The following NHEJ1 variants were observed in gnomAD, a reference collection of about 807,000 sequenced individuals.
NHEJ1 encodes the protein non-homologous end joining factor 1.
In NHEJ1, 22 loss-of-function variants were observed where a neutral mutation model predicts 39.4. That is an observed-to-expected ratio of 0.56 (90% CI 0.40 to 0.80). The LOEUF (loss-of-function observed/expected upper bound fraction) is 0.80. NHEJ1 is among the 30% of genes least tolerant of loss of function. The pLI is 0.00. For synonymous variants in NHEJ1, 154 were observed against 135.6 expected (o/e 1.14, Z -0.94); for missense variants, 329 against 357.1 (o/e 0.92, Z 0.63).
chr2:219,092,929 C>T (rs1949174320), intron 5 of NHEJ1, among the ~76,000 whole-genome samples: 1 of 152,174 alleles, frequency 6.6e-6, no homozygotes, highest in Admixed American at 6.5e-5. Context: ...ACCAAGAGAC[C>T]TCCCTGTGCC....
rs1948994785 is a variant in NHEJ1, at chr2:219,074,574, T to C, written c.*1807A>G. Reference sequence around the variant, plus strand: ...GCCTAGCCAACATGGTGAAACCCTGTCTCTACAAAAAATACAAAAATTAGC... The same window carrying C: ...GCCTAGCCAACATGGTGAAACCCTGCCTCTACAAAAAATACAAAAATTAGC... On this transcript the variant is annotated 3_prime_UTR_variant, in exon 8 of 8. Coordinates refer to ENST00000356853, the MANE Select transcript of NHEJ1 (RefSeq NM_024782.3). Among the ~76,000 whole-genome samples, 1 of 151,838 alleles carries C rather than the reference T, an allele frequency of 6.6e-6. No individual in the cohort carries two copies. The highest frequency in any genetic ancestry group is 2.4e-5 in the African/African-American group (1 of 41,286).
At chr2:219,153,502 G>C (rs1949817539) in intron 3 of NHEJ1, among the ~76,000 whole-genome samples, 4 of 152,204 alleles carry the variant, frequency 2.6e-5, no homozygotes, top group African/African-American at 9.7e-5. Context: ...GAAAGAGTAA[G>C]AGATGAAGTC....
chr2:219,147,772 A>G lies in NHEJ1; in HGVS notation c.414T>C (p.Pro138=), dbSNP rs773876034. ...GTAATGCCAGACTCATGCCCATCAGAGGACGAATCAAATGTTGGGAGACCT... is the reference window on the plus strand; with the variant it reads ...GTAATGCCAGACTCATGCCCATCAGGGGACGAATCAAATGTTGGGAGACCT... ...PSLVSQHLIR[P]LMGMSLALQC... The change falls in exon 4 of 8, where the codon CCT becomes CCC. Residue 138 remains proline (P), a synonymous_variant. Coordinates refer to ENST00000356853, the MANE Select transcript of NHEJ1 (RefSeq NM_024782.3). 1.9e-6 allele frequency: 3 copies of G among 1,614,192 alleles called. No individual in the cohort carries two copies. The South Asian group carries it at 3.3e-5, about 18-fold the overall frequency.
In NHEJ1 at chr2:219,157,694, G is replaced by C. The variant is rs1275074630; in HGVS notation, c.178-10C>G. On this transcript the variant is annotated splice_polypyrimidine_tract_variant and intron_variant, in intron 2 of 7. Transcript: ENST00000356853. ...GCCGCTTGTTCAGCTCCTAAAGAGA[G>C]AGCAGTGGTACAGAGTAAGGGTGCT... 6 of 1,610,042 alleles carry C rather than the reference G, an allele frequency of 3.7e-6. No individual in the cohort carries two copies. The highest frequency in any genetic ancestry group is 1.1e-5 in the South Asian group (1 of 90,482).
intron 5 of NHEJ1, among the ~76,000 whole-genome samples, chr2:219,118,344 C>A (rs1445386116): frequency 6.6e-6 from 1 of 152,140 alleles, no homozygotes; most frequent in Non-Finnish European, 1.5e-5. Flanking sequence ...AGGGTTCATA[C>A]CTTCCTGAAC....
chr2:219,130,422 G>A (rs1406645691), intron 5 of NHEJ1, among the ~76,000 whole-genome samples: 1 of 152,142 alleles, frequency 6.6e-6, no homozygotes, highest in East Asian at 1.9e-4. Flanking sequence ...AGAGGTATTA[G>A]GGCTCTCAAG....
Position 219,160,771 on chromosome 2 carries a change from G to C in NHEJ1, c.-52C>G, listed in dbSNP as rs989892987. 3.9e-5 allele frequency: 6 copies of C among 152,386 alleles called. No individual in the cohort carries two copies. Among genetic ancestry groups the C allele is most frequent in the African/African-American group, 1.4e-4 (6 of 41,468 alleles). 9.4% of individuals were successfully genotyped at this position (152,386 alleles called of 1,614,324 possible). The stretch of plus-strand genomic sequence containing the variant: ...CTCTTAGCCGCACGCACGCTTTCCT[G>C]CCCGCTCGCGCAAACCGAAAGGCCT... On this transcript the variant is annotated 5_prime_UTR_variant, in exon 1 of 8. Transcript: ENST00000356853.
intron 5 of NHEJ1, among the ~76,000 whole-genome samples, chr2:219,099,673 G>A (rs956454710): frequency 2.6e-5 from 4 of 152,092 alleles, no homozygotes; most frequent in East Asian, 1.9e-4. Context: ...TAAGGAAGAC[G>A]TGCATCCCAG....
intron 5 of NHEJ1, among the ~76,000 whole-genome samples, chr2:219,121,826 A>G (rs1949474393): frequency 6.6e-6 from 1 of 152,184 alleles, no homozygotes; most frequent in Non-Finnish European, 1.5e-5. Context: ...TCTTAAAAAA[A>G]AAAAAAATTA....
At chr2:219,104,504 G>C (rs1349750577) in intron 5 of NHEJ1, among the ~76,000 whole-genome samples, 2 of 152,102 alleles carry the variant, frequency 1.3e-5, no homozygotes, top group Non-Finnish European at 2.9e-5. Context: ...AGAATCAGAG[G>C]TTCCCTAGGA....
intron 5 of NHEJ1, among the ~76,000 whole-genome samples, chr2:219,105,262 T>G (rs1035146722): frequency 1.3e-5 from 2 of 152,216 alleles, no homozygotes; most frequent in Admixed American, 6.5e-5. Flanking sequence ...TTGTGCAGAA[T>G]CTGGTCTGTT....
chr2:219,076,573 T>A, intron 7 of NHEJ1, 118 bp from the exon 8 acceptor site: 1 of 937,088 alleles, frequency 1.1e-6, no homozygotes, highest in Non-Finnish European at 1.6e-6. Context: ...TTTTTTTTTT[T>A]TTTTTTTCCA....
At chr2:219,149,174 G>A (rs907628312) in intron 3 of NHEJ1, among the ~76,000 whole-genome samples, 6 of 151,804 alleles carry the variant, frequency 4.0e-5, no homozygotes, top group African/African-American at 7.3e-5. Flanking sequence ...GTGAGCCACC[G>A]TGCCCAGCCC....
At position 219,070,848 on chromosome 2, in the gene NHEJ1, G is replaced by A. The variant is rs1024991917; in HGVS notation, c.*5533C>T. Reference sequence around the variant, plus strand: ...TTACCACTATCAGAAAACCACTCAAGTAGGGCCATCAGTATCACCTTCAAA... The same window carrying A: ...TTACCACTATCAGAAAACCACTCAAATAGGGCCATCAGTATCACCTTCAAA... On this transcript the variant is annotated 3_prime_UTR_variant, in exon 8 of 8. Coordinates refer to ENST00000356853, the MANE Select transcript of NHEJ1 (RefSeq NM_024782.3). Among the ~76,000 whole-genome samples, 1 of 152,182 alleles carries A rather than the reference G, an allele frequency of 6.6e-6. No homozygotes were observed. The highest frequency in any genetic ancestry group is 2.4e-5 in the African/African-American group (1 of 41,436).
intron 5 of NHEJ1, among the ~76,000 whole-genome samples, chr2:219,100,374 A>C (rs1271748304): frequency 6.6e-6 from 1 of 151,472 alleles, no homozygotes; most frequent in East Asian, 1.9e-4. Flanking sequence ...AGTCTGAGGC[A>C]GGTGGATTGT....
intron 3 of NHEJ1, among the ~76,000 whole-genome samples, chr2:219,153,254 G>T (rs898398023): frequency 6.6e-6 from 1 of 152,104 alleles, no homozygotes; most frequent in African/African-American, 2.4e-5. Flanking sequence ...TTTTACAGAT[G>T]AAGAAACTGA....
At chr2:219,090,839 G>C (rs1381583939) in intron 5 of NHEJ1, among the ~76,000 whole-genome samples, 2 of 152,154 alleles carry the variant, frequency 1.3e-5, no homozygotes, top group East Asian at 3.8e-4. Context: ...CAAGTGACTG[G>C]TTTCTTCTCA....
intron 5 of NHEJ1, among the ~76,000 whole-genome samples, chr2:219,091,128 C>G (rs1949156354): frequency 6.6e-6 from 1 of 152,088 alleles, no homozygotes; most frequent in African/African-American, 2.4e-5. Flanking sequence ...AGCTTACAGT[C>G]TGTATCTGTG....
At position 219,081,452 on chromosome 2, in the gene NHEJ1, AAG is replaced by A. The variant is rs566827009; in HGVS notation, c.589-3248_589-3247del. On this transcript the variant is annotated intron_variant, in intron 5 of 7. Coordinates refer to ENST00000356853, the MANE Select transcript of NHEJ1 (RefSeq NM_024782.3). The stretch of plus-strand genomic sequence containing the variant: ...CACTGCCCAAAGTGGGGAGGGAAAG[AAG>A]AGTCAGGTCAGCCTACCTGTAGAAC... Among the ~76,000 whole-genome samples the A allele has an allele frequency of 1.5e-3, 226 of 152,308 alleles. 1 individual carries two copies. Among genetic ancestry groups the A allele is most frequent in the African/African-American group, 5.1e-3 (213 of 41,570 alleles).
Sources: gnomAD v4.1 joint callset for allele counts (sites outside exome capture counted in the v4.1 genomes callset) on GRCh38, gnomAD v4.1.1 for gene constraint, MANE v1.5 for transcripts, NCBI Gene and HGNC (gene_info 2026-07-23, HGNC 2026-07-21) for gene names.